ST6GALNAC5: variants seen among roughly 807,000 people sequenced by gnomAD.
The protein encoded by ST6GALNAC5 is alpha-N-acetylgalactosaminide alpha-2,6-sialyltransferase 5.
ST6GALNAC5 carries 27 observed loss-of-function variants against 33.6 expected under a neutral mutation model. The observed-to-expected ratio is 0.80, with a 90% confidence interval of 0.59 to 1.11. The LOEUF is 1.11. Among genes scored for constraint, ST6GALNAC5 ranks in the 50% least tolerant of loss-of-function variants. The probability of loss-of-function intolerance (pLI) is 0.00; values close to 1 mark genes in which losing one functional copy is unlikely to be tolerated. For missense variants in ST6GALNAC5, 428 were observed against 454.0 expected, an observed-to-expected ratio of 0.94 and a Z score of 0.52; for synonymous variants, 194 against 171.2, an observed-to-expected ratio of 1.13 and a Z score of -1.04.
intron 2 of ST6GALNAC5, among the ~76,000 whole-genome samples, chr1:77,043,453 G>C (rs1208492806): frequency 6.6e-6 from 1 of 152,222 alleles, no homozygotes; most frequent in African/African-American, 2.4e-5. Flanking sequence ...CCTAGGCCCT[G>C]CAATTCCTAG....
rs1652695677 is a variant in ST6GALNAC5, at chr1:77,064,112, G to C, written c.*906G>C. ...AATTTATGTAAGTGTCCTCTCTTGA[G>C]CCCTAGTTTCCTTTTTGGCAGAATG... On this transcript the variant is annotated 3_prime_UTR_variant, in exon 5 of 5. Coordinates refer to ENST00000477717, the MANE Select transcript of ST6GALNAC5 (RefSeq NM_030965.3). 6.6e-6 allele frequency: 1 copy of C among 152,170 alleles called. No homozygotes were observed. Among genetic ancestry groups the C allele is most frequent in the African/African-American group, 2.4e-5 (1 of 41,524 alleles). 9.4% of individuals were successfully genotyped at this position (152,170 alleles called of 1,614,324 possible).
intron 2 of ST6GALNAC5, among the ~76,000 whole-genome samples, chr1:76,995,866 G>A (rs1649916857): frequency 6.6e-6 from 1 of 152,078 alleles, no homozygotes; most frequent in Non-Finnish European, 1.5e-5. Flanking sequence ...GTATCTTTTG[G>A]CTCACCATTT....
intron 2 of ST6GALNAC5, among the ~76,000 whole-genome samples, chr1:76,896,024 G>C (rs1654125420): frequency 6.6e-6 from 1 of 152,174 alleles, no homozygotes; most frequent in African/African-American, 2.4e-5. Flanking sequence ...TACTTTTCCT[G>C]AAGGCAGAGG....
At chr1:76,992,052 G>T (rs546253510) in intron 2 of ST6GALNAC5, among the ~76,000 whole-genome samples, 1 of 151,840 alleles carries the variant, frequency 6.6e-6, no homozygotes, top group African/African-American at 2.4e-5. Context: ...TATACTCTAC[G>T]TAGGGGTCAG....
In ST6GALNAC5 at chr1:76,933,445, A is replaced by T. The variant is rs183081468; in HGVS notation, c.261+64703A>T. 6.6e-3 allele frequency among the ~76,000 whole-genome samples: 998 copies of T among 152,124 alleles called. 3 individuals carry two copies. Among genetic ancestry groups the T allele is most frequent in the South Asian group, 0.022 (107 of 4,822 alleles). On this transcript the variant is annotated intron_variant, in intron 2 of 4. Coordinates refer to ENST00000477717, the MANE Select transcript of ST6GALNAC5 (RefSeq NM_030965.3). ...AAAATAAACAAATATAATATGTTTT[A>T]AAAAAAGATACATTGAATCATGTTT...
chr1:76,984,670 C>A (rs1291338884), intron 2 of ST6GALNAC5, among the ~76,000 whole-genome samples: 1 of 152,184 alleles, frequency 6.6e-6, no homozygotes, highest in African/African-American at 2.4e-5. Context: ...TTTTATGAGG[C>A]CAACATCATC....
chr1:76,962,736 G>A (rs964807057), intron 2 of ST6GALNAC5, among the ~76,000 whole-genome samples: 1 of 152,068 alleles, frequency 6.6e-6, no homozygotes, highest in East Asian at 1.9e-4. Context: ...ACAAAGAGAT[G>A]GTGTTAATTT....
At chr1:76,923,630 T>C (rs922812103) in intron 2 of ST6GALNAC5, among the ~76,000 whole-genome samples, 14 of 151,888 alleles carry the variant, frequency 9.2e-5, no homozygotes, top group African/African-American at 3.4e-4. Context: ...GAGGCAGAGA[T>C]TACAGTGAGC....
intron 2 of ST6GALNAC5, among the ~76,000 whole-genome samples, chr1:76,938,194 A>T (rs1475425582): frequency 6.6e-6 from 1 of 152,052 alleles, no homozygotes; most frequent in Non-Finnish European, 1.5e-5. Context: ...CTTTGGTAAG[A>T]AAAGTTTTTG....
intron 2 of ST6GALNAC5, among the ~76,000 whole-genome samples, chr1:76,877,366 C>A (rs1447929834): frequency 6.6e-6 from 1 of 152,150 alleles, no homozygotes; most frequent in Non-Finnish European, 1.5e-5. Context: ...AGAGCCTTCT[C>A]CTGTTCTGGA....
At chr1:76,914,999 AAAAC>A (rs1184841904) in intron 2 of ST6GALNAC5, among the ~76,000 whole-genome samples, 7 of 151,200 alleles carry the variant, frequency 4.6e-5, no homozygotes, top group Admixed American at 2.0e-4. Flanking sequence ...TTACAAGAAA[AAAAC>A]AAACAACCCC....
chr1:76,877,438 A>T (rs907102072), intron 2 of ST6GALNAC5, among the ~76,000 whole-genome samples: 5 of 152,190 alleles, frequency 3.3e-5, no homozygotes, highest in African/African-American at 1.2e-4. Flanking sequence ...GACACACTCA[A>T]ATGAGGAATG....
intron 2 of ST6GALNAC5, among the ~76,000 whole-genome samples, chr1:77,018,116 G>A (rs1186761212): frequency 6.6e-6 from 1 of 152,062 alleles, no homozygotes. Flanking sequence ...GGCAACTTCA[G>A]GCAAGAAGAA....
intron 4 of ST6GALNAC5, among the ~76,000 whole-genome samples, chr1:77,061,786 A>AC (rs796827317): frequency 6.6e-6 from 1 of 152,024 alleles, no homozygotes. Flanking sequence ...GGCACCTACC[A>AC]CCCCCACATG....
At chr1:77,054,328 A>C (rs1221115780) in intron 4 of ST6GALNAC5, among the ~76,000 whole-genome samples, 2 of 152,228 alleles carry the variant, frequency 1.3e-5, no homozygotes, top group Non-Finnish European at 2.9e-5. Context: ...TGATTCTATC[A>C]GGTGGCATAG....
At chr1:77,000,905 TAGTTTGA>T (rs1650131444) in intron 2 of ST6GALNAC5, among the ~76,000 whole-genome samples, 1 of 152,108 alleles carries the variant, frequency 6.6e-6, no homozygotes, top group Non-Finnish European at 1.5e-5. Context: ...CCTTGTAATA[TAGTTTGA>T]AGTCAGGTAG....
chr1:76,994,940 A>G (rs1649868819), intron 2 of ST6GALNAC5, among the ~76,000 whole-genome samples: 1 of 152,298 alleles, frequency 6.6e-6, no homozygotes, highest in African/African-American at 2.4e-5. Flanking sequence ...ATGCACTTCC[A>G]GACTGAAGTT....
intron 2 of ST6GALNAC5, among the ~76,000 whole-genome samples, chr1:77,002,084 C>T (rs989185963): frequency 1.1e-4 from 16 of 152,114 alleles, no homozygotes; most frequent in Non-Finnish European, 1.8e-4. Context: ...CCTCCTTGTA[C>T]CTCTGGTAGA....
intron 2 of ST6GALNAC5, among the ~76,000 whole-genome samples, chr1:76,907,283 T>A (rs185759304): frequency 6.6e-6 from 1 of 152,272 alleles, no homozygotes. Context: ...CTATATACTC[T>A]GATCTTGACC....
Sources: gnomAD v4.1 joint callset for allele counts (sites outside exome capture counted in the v4.1 genomes callset) on GRCh38, gnomAD v4.1.1 for gene constraint, MANE v1.5 for transcripts, NCBI Gene and HGNC (gene_info 2026-07-23, HGNC 2026-07-21) for gene names.